The following EMC3 variants were observed in gnomAD, a reference collection of about 807,000 sequenced individuals.
The protein encoded by EMC3 is 30 kDa protein.
EMC3 carries 13 observed loss-of-function variants against 36.6 expected under a neutral mutation model. The ratio of observed to expected loss-of-function variants is 0.35; its 90% CI spans 0.23 to 0.56. The LOEUF is 0.56. Ranked by LOEUF, EMC3 falls within the 20% of genes least tolerant of loss-of-function variation. The pLI is 0.84. For missense variants in EMC3, 220 were observed against 324.5 expected, an observed-to-expected ratio of 0.68 and a Z score of 2.47; for synonymous variants, 120 against 111.9, an observed-to-expected ratio of 1.07 and a Z score of -0.46.
chr3:9,986,945 G>C, upstream of EMC3: 1 of 1,206,110 alleles, frequency 8.3e-7, no homozygotes, highest in South Asian at 2.0e-5. Flanking sequence ...CCCAGGCTCG[G>C]TGGCTCACTC....
chr3:9,998,104 C>A (rs897715941), intron 1 of EMC3, among the ~76,000 whole-genome samples: 3 of 151,994 alleles, frequency 2.0e-5, no homozygotes, highest in African/African-American at 7.2e-5. Flanking sequence ...CAGTGGCTCA[C>A]ACCTGTAATC....
intron 1 of EMC3, among the ~76,000 whole-genome samples, chr3:9,997,316 C>T (rs546323571): frequency 2.6e-5 from 4 of 152,122 alleles, no homozygotes; most frequent in African/African-American, 9.6e-5. Flanking sequence ...GTGATCTACC[C>T]GCCTCGCCCT....
chr3:9,990,812 C>A (rs1013963044), upstream of EMC3, among the ~76,000 whole-genome samples: 2 of 147,722 alleles, frequency 1.4e-5, no homozygotes, highest in Non-Finnish European at 3.0e-5. Context: ...CACGCCTGGC[C>A]AATTCTTTTA....
intron 1 of EMC3, chr3:10,007,578 A>G (rs1208826609): frequency 7.3e-7 from 1 of 1,367,470 alleles, no homozygotes. Context: ...TGAGGCAGGC[A>G]TCCTGGGTGT....
In EMC3 at chr3:9,986,746, G is replaced by T. The variant is rs1436869183; in HGVS notation, c.-85C>A. ...TTGCTTCTCTTCGGCTTCGCCTCCG[G>T]GCCTTCTCAAGCCCCTTTGCCCGTG... On this transcript the variant is annotated 5_prime_UTR_variant, in exon 1 of 8. Transcript: ENST00000245046. 1.9e-6 allele frequency: 3 copies of T among 1,573,594 alleles called. No individual in the cohort carries two copies. Among genetic ancestry groups the T allele is most frequent in the African/African-American group, 2.7e-5 (2 of 73,650 alleles).
chr3:9,989,519 G>A (rs960010734), upstream of EMC3, among the ~76,000 whole-genome samples: 24 of 152,212 alleles, frequency 1.6e-4, no homozygotes, highest in Admixed American at 1.6e-3. Context: ...CTGATTGGTT[G>A]CCTTTAAAGA....
At chr3:9,972,484 A>C (rs2085796754) in intron 5 of EMC3, among the ~76,000 whole-genome samples, 1 of 128,046 alleles carries the variant, frequency 7.8e-6, no homozygotes. Flanking sequence ...AAAAAAAAAA[A>C]CTCTGGCCAG....
At chr3:9,966,225 G>GTT (rs1264198471) in intron 7 of EMC3, among the ~76,000 whole-genome samples, 16 of 138,926 alleles carry the variant, frequency 1.2e-4, no homozygotes, top group Non-Finnish European at 1.3e-4. Context: ...AGTGGTATCT[G>GTT]TTTTTTTTTT....
At chr3:9,988,415 C>G (rs368884844), upstream of EMC3, 35 of 1,353,076 alleles carry the variant, frequency 2.6e-5, no homozygotes, top group Middle Eastern at 1.1e-3. Context: ...CCGTATTATT[C>G]TCTTTGATGT....
At chr3:9,997,832 T>G (rs2086146762) in intron 1 of EMC3, among the ~76,000 whole-genome samples, 1 of 152,198 alleles carries the variant, frequency 6.6e-6, no homozygotes, top group Non-Finnish European at 1.5e-5. Context: ...TTTCCACCTT[T>G]TGGCCATTTG....
At chr3:9,976,001 C>T (rs961155034) in intron 3 of EMC3, among the ~76,000 whole-genome samples, 1 of 151,950 alleles carries the variant, frequency 6.6e-6, no homozygotes, top group East Asian at 1.9e-4. Context: ...TAATACCTTC[C>T]GTATGGGTTT....
At chr3:9,980,014 ATT>A (rs775249109) in intron 1 of EMC3, among the ~76,000 whole-genome samples, 6 of 138,070 alleles carry the variant, frequency 4.3e-5, no homozygotes, top group Admixed American at 7.4e-5. Context: ...GTCTCACTGT[ATT>A]TTTTTTTTTT....
At chr3:10,000,488 A>G (rs1427233847) in intron 1 of EMC3, among the ~76,000 whole-genome samples, 2 of 152,252 alleles carry the variant, frequency 1.3e-5, no homozygotes, top group African/African-American at 4.8e-5. Context: ...ACATTTAACC[A>G]CAAGCTAGTC....
intron 1 of EMC3, among the ~76,000 whole-genome samples, 196 bp from the exon 2 acceptor site, chr3:9,977,642 G>A (rs942399005): frequency 6.6e-6 from 1 of 152,124 alleles, no homozygotes; most frequent in African/African-American, 2.4e-5. Flanking sequence ...TTTCAGAAAA[G>A]TATTTTTCAA....
chr3:9,994,829 C>A (rs1021313716), intron 1 of EMC3, among the ~76,000 whole-genome samples: 15 of 152,134 alleles, frequency 9.9e-5, no homozygotes, highest in Non-Finnish European at 1.5e-4. Context: ...GCCTCGCCCT[C>A]CCAAAGTGCT....
chr3:9,975,815 GAAAAAAAAAAAA>G (rs56879267), intron 3 of EMC3, among the ~76,000 whole-genome samples: 24 of 88,096 alleles, frequency 2.7e-4, no homozygotes, highest in African/African-American at 7.2e-4. Context: ...CCTTTCTGAA[GAAAAAAAAAAAA>G]AAAAAAAAAG....
upstream of EMC3, among the ~76,000 whole-genome samples, chr3:9,991,080 G>A (rs2086046038): frequency 1.3e-5 from 2 of 149,030 alleles, no homozygotes; most frequent in Admixed American, 6.7e-5. Context: ...TGCCCGCCTT[G>A]GCCTCCCAAA....
chr3:9,987,431 G>C (rs138654899), upstream of EMC3: 2 of 376,040 alleles, frequency 5.3e-6, no homozygotes, highest in African/African-American at 2.2e-5. Context: ...ACCTTTCTGC[G>C]TCGTTAAAAT....
intron 1 of EMC3, among the ~76,000 whole-genome samples, chr3:9,996,935 T>C (rs1213690256): frequency 1.3e-5 from 2 of 152,242 alleles, no homozygotes; most frequent in African/African-American, 4.8e-5. Flanking sequence ...AATTTTGATA[T>C]AACGTAAAAT....
Sources: allele counts gnomAD v4.1 joint callset (sites outside exome capture counted in the v4.1 genomes callset), GRCh38; gene constraint gnomAD v4.1.1; transcripts MANE v1.5; gene names NCBI Gene and HGNC (gene_info 2026-07-23, HGNC 2026-07-21).